Variants in CNTNAP5 observed in about 807,000 individuals in gnomAD.
CNTNAP5 encodes the protein contactin-associated protein-like 5.
Under a neutral mutation model 150.2 loss-of-function variants are expected in CNTNAP5, and 72 were observed. That is an observed-to-expected ratio of 0.48 (90% CI 0.40 to 0.58). The LOEUF is 0.58. Ranked by LOEUF, CNTNAP5 falls within the 20% of genes least tolerant of loss-of-function variation. The pLI is 0.00. For missense variants in CNTNAP5, 1,636 were observed against 1,626.2 expected (o/e 1.01, Z -0.10); for synonymous variants, 672 against 619.8 (o/e 1.08, Z -1.25).
chr2:124,765,113 C>T (rs1432147083), intron 16 of CNTNAP5, among the ~76,000 whole-genome samples: 1 of 152,108 alleles, frequency 6.6e-6, no homozygotes, highest in Non-Finnish European at 1.5e-5. Context: ...TTTAAACTTC[C>T]TATTTGTTAA....
At chr2:124,854,676 T>G (rs7602098) in intron 19 of CNTNAP5, among the ~76,000 whole-genome samples, 1 of 152,088 alleles carries the variant, frequency 6.6e-6, no homozygotes, top group African/African-American at 2.4e-5. Context: ...TCAACAAATG[T>G]CTTCTGGAGA....
At chr2:124,452,373 AGCAGTT>A (rs1693005201) in intron 6 of CNTNAP5, among the ~76,000 whole-genome samples, 1 of 152,096 alleles carries the variant, frequency 6.6e-6, no homozygotes, top group Non-Finnish European at 1.5e-5. Context: ...AATCCTCCAC[AGCAGTT>A]GCCACAAGAC....
intron 19 of CNTNAP5, among the ~76,000 whole-genome samples, chr2:124,862,672 G>A (rs772596287): frequency 6.6e-6 from 1 of 152,188 alleles, no homozygotes; most frequent in Non-Finnish European, 1.5e-5. Flanking sequence ...CCCTAACAAA[G>A]CCACTGAAGA....
rs1683118861 is a variant in CNTNAP5, at chr2:124,103,982, T to C, written c.82+78250T>C. Among the ~76,000 whole-genome samples the C allele has an allele frequency of 2.0e-5, 3 of 147,716 alleles. No individual in the cohort carries two copies. The South Asian group carries it at 6.3e-4, about 31-fold the overall frequency. On this transcript the variant is annotated intron_variant, in intron 1 of 23. Transcript: ENST00000682447. ...ATTAAAATATAGTTAATCATAATAA[T>C]ATATGTACTGCATATGAATTATATA...
chr2:124,617,221 T>A (rs1677511245), intron 12 of CNTNAP5, among the ~76,000 whole-genome samples: 1 of 152,154 alleles, frequency 6.6e-6, no homozygotes, highest in South Asian at 2.1e-4. Context: ...TTTTTTTTAA[T>A]GAACTATCTG....
At chr2:124,029,683 A>C (rs985503353) in intron 1 of CNTNAP5, among the ~76,000 whole-genome samples, 3 of 151,730 alleles carry the variant, frequency 2.0e-5, no homozygotes, top group Non-Finnish European at 2.9e-5. Context: ...GCCCAATTTC[A>C]TTGCTTTCTT....
chr2:124,792,524 T>A (rs925409685), intron 18 of CNTNAP5, among the ~76,000 whole-genome samples: 8 of 152,180 alleles, frequency 5.3e-5, no homozygotes, highest in Non-Finnish European at 1.2e-4. Flanking sequence ...CTTTCTATTA[T>A]CGAGATGTAA....
At chr2:124,699,657 T>C (rs1202369749) in intron 13 of CNTNAP5, among the ~76,000 whole-genome samples, 1 of 152,160 alleles carries the variant, frequency 6.6e-6, no homozygotes, top group Non-Finnish European at 1.5e-5. Flanking sequence ...ATGAATGCTC[T>C]TAGCAATCCT....
At chr2:124,687,500 C>T (rs978221699) in intron 13 of CNTNAP5, among the ~76,000 whole-genome samples, 1 of 151,990 alleles carries the variant, frequency 6.6e-6, no homozygotes, top group African/African-American at 2.4e-5. Flanking sequence ...CATTATGGTT[C>T]ATGGGTTTCC....
intron 2 of CNTNAP5, among the ~76,000 whole-genome samples, chr2:124,234,789 A>G (rs907889723): frequency 6.6e-6 from 1 of 152,158 alleles, no homozygotes; most frequent in Admixed American, 6.5e-5. Flanking sequence ...GAAGATATTT[A>G]TTGGAGGACA....
At chr2:124,293,225 A>C (rs1188384633) in intron 3 of CNTNAP5, among the ~76,000 whole-genome samples, 1 of 152,026 alleles carries the variant, frequency 6.6e-6, no homozygotes, top group Non-Finnish European at 1.5e-5. Context: ...CTTACTGTAG[A>C]TCATTTAGGA....
intron 8 of CNTNAP5, among the ~76,000 whole-genome samples, chr2:124,513,786 G>A (rs997401808): frequency 4.7e-4 from 72 of 152,292 alleles, no homozygotes; most frequent in African/African-American, 1.6e-3. Flanking sequence ...TAGGGAGATG[G>A]CCTGGAGAGC....
chr2:124,174,086 C>T (rs1685003898), intron 1 of CNTNAP5, among the ~76,000 whole-genome samples: 1 of 147,640 alleles, frequency 6.8e-6, no homozygotes, highest in Non-Finnish European at 1.5e-5. Flanking sequence ...TATGTTGAGC[C>T]CACTGTTGAG....
intron 1 of CNTNAP5, among the ~76,000 whole-genome samples, chr2:124,139,839 G>T (rs1042073622): frequency 6.6e-6 from 1 of 152,190 alleles, no homozygotes; most frequent in East Asian, 1.9e-4. Flanking sequence ...CGTGAGCGAC[G>T]CAGAAGACGG....
chr2:124,444,205 C>G (rs576779726), intron 5 of CNTNAP5, among the ~76,000 whole-genome samples: 112 of 152,152 alleles, frequency 7.4e-4, no homozygotes, highest in African/African-American at 2.7e-3. Flanking sequence ...TGCCTGAACC[C>G]CTTTATGCCC....
At chr2:124,507,741 C>T (rs1294998877) in intron 8 of CNTNAP5, among the ~76,000 whole-genome samples, 2 of 152,164 alleles carry the variant, frequency 1.3e-5, no homozygotes, top group African/African-American at 4.8e-5. Context: ...TGCAAGTCCC[C>T]CACAAAAGAC....
intron 3 of CNTNAP5, among the ~76,000 whole-genome samples, chr2:124,282,512 G>T (rs1359595336): frequency 1.3e-5 from 2 of 152,088 alleles, no homozygotes; most frequent in African/African-American, 4.8e-5. Context: ...TATGCTCACA[G>T]CACCAAGCAC....
At chr2:124,901,214 A>G (rs920184116) in intron 21 of CNTNAP5, among the ~76,000 whole-genome samples, 2 of 151,594 alleles carry the variant, frequency 1.3e-5, no homozygotes, top group Non-Finnish European at 2.9e-5. Context: ...AGTTGTAGAC[A>G]GAATTATAGA....
intron 1 of CNTNAP5, among the ~76,000 whole-genome samples, chr2:124,109,030 G>A (rs1683233407): frequency 6.6e-6 from 1 of 152,046 alleles, no homozygotes; most frequent in Non-Finnish European, 1.5e-5. Context: ...TACATCCTGG[G>A]AGCAAGCAAG....
Sources: gnomAD v4.1 joint callset for allele counts (sites outside exome capture counted in the v4.1 genomes callset) on GRCh38, gnomAD v4.1.1 for gene constraint, MANE v1.5 for transcripts, NCBI Gene and HGNC (gene_info 2026-07-23, HGNC 2026-07-21) for gene names.